The following METTL13 variants were observed in gnomAD, a reference collection of about 807,000 sequenced individuals.
METTL13 encodes the protein methyltransferase 13, eEF1A N-terminus and K55, also known as eEF1A lysine and N-terminal methyltransferase.
Under a neutral mutation model 67.4 loss-of-function variants are expected in METTL13, and 52 were observed. That is an observed-to-expected ratio of 0.77 (90% CI 0.62 to 0.97). The LOEUF is 0.97. Ranked by LOEUF, METTL13 falls within the 50% of genes least tolerant of loss-of-function variation. METTL13 has a pLI of 0.00. For missense variants in METTL13, 825 were observed against 889.6 expected (o/e 0.93, Z 0.92); for synonymous variants, 354 against 353.6 (o/e 1.00, Z -0.01).
chr1:171,783,709 C>A, intron 1 of METTL13, 31 bp from the exon 2 acceptor site: 1 of 1,574,612 alleles, frequency 6.4e-7, no homozygotes, highest in Non-Finnish European at 8.6e-7. Context: ...GCTTTGATTA[C>A]CTCCCTCTTG....
chr1:171,791,942 T>C, intron 5 of METTL13, 75 bp from the exon 6 acceptor site: 1 of 1,502,724 alleles, frequency 6.7e-7, no homozygotes, highest in Non-Finnish European at 9.2e-7. Flanking sequence ...GACTTTCCCT[T>C]TTGCCTTCCC....
chr1:171,784,885 G>C (rs1381191063), intron 2 of METTL13, among the ~76,000 whole-genome samples: 1 of 152,218 alleles, frequency 6.6e-6, no homozygotes, highest in Admixed American at 6.5e-5. Context: ...TAAGACATAG[G>C]TTCTAGTCCC....
chr1:171,794,483 A>G lies in METTL13; in HGVS notation c.1781A>G (p.Glu594Gly), dbSNP rs766166240. The G allele has an allele frequency of 9.9e-6, 16 of 1,614,098 alleles. No homozygotes were observed. Among genetic ancestry groups the G allele is most frequent in the Non-Finnish European group, 1.3e-5 (15 of 1,180,036 alleles). ...GMSCPPPAFV[E>G]QSFLQKVKSI... ...AGTTGTCCGCCCCCAGCATTTGTGGAGCAATCTTTTCTACAGAAGGTTAAA... is the reference window on the plus strand; with the variant it reads ...AGTTGTCCGCCCCCAGCATTTGTGGGGCAATCTTTTCTACAGAAGGTTAAA... The change falls in exon 7 of 8, where the codon GAG becomes GGG. Residue 594 changes from glutamate (E) to glycine (G), a missense_variant. Coordinates refer to ENST00000361735, the MANE Select transcript of METTL13 (RefSeq NM_015935.5).
chr1:171,791,469 T>C lies in METTL13; in HGVS notation c.1475-548T>C, dbSNP rs114124605. ...CCTTTCCTAGAGAGGGTCTAATAAT[T>C]CTTATAGTGAAGAAGTCTTTTTTTT... On this transcript the variant is annotated intron_variant, in intron 5 of 7. Coordinates refer to ENST00000361735, the MANE Select transcript of METTL13 (RefSeq NM_015935.5). Among the ~76,000 whole-genome samples the C allele has an allele frequency of 3.9e-5, 6 of 152,214 alleles. 1 individual carries two copies. Among genetic ancestry groups the C allele is most frequent in the Non-Finnish European group, 7.4e-5 (5 of 68,004 alleles).
chr1:171,787,562 A>T lies in METTL13; in HGVS notation c.1114-173A>T, dbSNP rs112945965. Among the ~76,000 whole-genome samples, 802 of 152,282 alleles carry T rather than the reference A, an allele frequency of 5.3e-3. 16 individuals are homozygous for T. The highest frequency in any genetic ancestry group is 0.018 in the African/African-American group (759 of 41,554). On this transcript the variant is annotated intron_variant, in intron 3 of 7. Coordinates refer to ENST00000361735, the MANE Select transcript of METTL13 (RefSeq NM_015935.5). ...TTTCAAAAGATGAATTAAACCTTTG[A>T]GATCAGTTCAAAGGCTCCAGAAAAG... is the stretch of plus-strand genomic sequence containing the variant.
In METTL13 at chr1:171,796,548, A is replaced by G. The variant is rs1441532945; in HGVS notation, c.1892A>G (p.Lys631Arg). 2.5e-6 allele frequency: 4 copies of G among 1,614,082 alleles called. No homozygotes were observed. The highest frequency in any genetic ancestry group is 3.4e-6 in the Non-Finnish European group (4 of 1,180,046). Residue 631 changes from lysine to arginine, a missense_variant, in exon 8 of 8, where the codon AAG becomes AGG. Physicochemically the swap from Lys to Arg is conservative, Grantham distance 26 (BLOSUM62 2). Transcript: ENST00000361735. Reference protein sequence around the residue: ...GLKDSVLAGLKAVFPLLYVRR... With the variant: ...GLKDSVLAGLRAVFPLLYVRR... ...AAAGACTCAGTGCTGGCTGGGCTCA[A>G]GGCAGTGTTCCCCCTCCTATATGTC...
rs1309568515 is a variant in METTL13, at chr1:171,785,898, C to T, written c.933C>T (p.Thr311=). The T allele has an allele frequency of 5.0e-6, 8 of 1,612,908 alleles. No homozygotes were observed. The highest frequency in any genetic ancestry group is 1.3e-5 in the African/African-American group (1 of 74,870). ...TTCTAGTCCCTCAGGGCCGGGAGAC[C>T]GAGTGGCTCTTTGGCATGGATGAGG... ...AIFIIPQGRE[T]EWLFGMDEGR... Residue 311 remains threonine, a synonymous_variant, in exon 3 of 8, where the codon ACC becomes ACT. Coordinates refer to ENST00000361735, the MANE Select transcript of METTL13 (RefSeq NM_015935.5).
At chr1:171,787,968 C>T (rs750385446) in intron 4 of METTL13, 38 bp downstream of exon 4, 2 of 1,602,286 alleles carry the variant, frequency 1.2e-6, no homozygotes, top group East Asian at 4.5e-5. Context: ...ACCCAAGTGG[C>T]CGTGGCATGG....
intron 1 of METTL13, among the ~76,000 whole-genome samples, chr1:171,782,520 A>G (rs1420072944): frequency 6.6e-6 from 1 of 151,834 alleles, no homozygotes; most frequent in African/African-American, 2.4e-5. Flanking sequence ...GTGAGCCATG[A>G]TCACGCCACT....
intron 2 of METTL13, among the ~76,000 whole-genome samples, chr1:171,785,076 C>A (rs1321368950): frequency 2.0e-5 from 3 of 152,160 alleles, no homozygotes; most frequent in African/African-American, 7.2e-5. Context: ...TCTTTCTCTG[C>A]CTTGATGGGA....
At chr1:171,786,940 T>C (rs1657035898) in intron 3 of METTL13, among the ~76,000 whole-genome samples, 1 of 151,626 alleles carries the variant, frequency 6.6e-6, no homozygotes. Context: ...TTGGTGCAAA[T>C]AGTAACAGAT....
intron 2 of METTL13, 109 bp downstream of exon 2, chr1:171,784,608 A>T: frequency 7.5e-7 from 1 of 1,340,150 alleles, no homozygotes; most frequent in East Asian, 2.7e-5. Flanking sequence ...GGGATTCTGG[A>T]CTGTTTTTTG....
At chr1:171,796,457 T>G (rs757368465) in intron 7 of METTL13, 25 bp from the exon 8 acceptor site, 10 of 1,611,984 alleles carry the variant, frequency 6.2e-6, no homozygotes, top group Non-Finnish European at 8.5e-6. Flanking sequence ...GTGAGGTCAT[T>G]CTGACTTTTC....
chr1:171,784,292 CT>C lies in METTL13; in HGVS notation c.707del (p.Leu236ArgfsTer57), dbSNP rs1181212842. 5 of 1,611,732 alleles carry C rather than the reference CT, an allele frequency of 3.1e-6. No homozygotes were observed. Among genetic ancestry groups the C allele is most frequent in the African/African-American group, 1.3e-5 (1 of 75,036 alleles). On this transcript the variant is annotated frameshift_variant, in exon 2 of 8. Coordinates refer to ENST00000361735, the MANE Select transcript of METTL13 (RefSeq NM_015935.5). LOFTEE classifies it high-confidence loss of function. ...TCAGGAGCAGCGCAAGCCTGTGCGG[CT>C]GGAGAGTGCCGAGCGGCTGGCCGAG... ...CAQEQRKPVR[L>X]ESAERLAEAV...
At position 171,792,114 on chromosome 1, in the gene METTL13, G is replaced by A; in HGVS notation, c.1572G>A (p.Glu524=). 1 of 1,614,144 alleles carries A rather than the reference G, an allele frequency of 6.2e-7. No individual in the cohort carries two copies. Among genetic ancestry groups the A allele is most frequent in the Non-Finnish European group, 8.5e-7 (1 of 1,180,054 alleles). ...CAAAGTCCTGCATTGATGCTGTGGA[G>A]ATCGATCCCTCCATGTTGGAAGTGG... The part of the protein sequence containing the change: ...HFPKSCIDAV[E]IDPSMLEVAT... The change falls in exon 6 of 8, where the codon GAG becomes GAA. Residue 524 remains glutamate (E), a synonymous_variant. Coordinates refer to ENST00000361735, the MANE Select transcript of METTL13 (RefSeq NM_015935.5).
At position 171,788,437 on chromosome 1, in the gene METTL13, G is replaced by A. The variant is rs554280102; in HGVS notation, c.1309+507G>A. ...CGACTAGCCATATGTAGTGCTGAGCGTTTGGAATGTGGCTAGTGTAACTGA... is the reference window on the plus strand; with the variant it reads ...CGACTAGCCATATGTAGTGCTGAGCATTTGGAATGTGGCTAGTGTAACTGA... On this transcript the variant is annotated intron_variant, in intron 4 of 7. Coordinates refer to ENST00000361735, the MANE Select transcript of METTL13 (RefSeq NM_015935.5). Among the ~76,000 whole-genome samples, 19 of 152,326 alleles carry A rather than the reference G, an allele frequency of 1.2e-4. No individual in the cohort carries two copies. The South Asian group carries it at 1.9e-3, about 15-fold the overall frequency.
chr1:171,783,340 A>G (rs1326610603), intron 1 of METTL13, among the ~76,000 whole-genome samples: 2 of 152,190 alleles, frequency 1.3e-5, no homozygotes, highest in Non-Finnish European at 1.5e-5. Flanking sequence ...TTATTGTCTA[A>G]AGGAGCCAAA....
At position 171,782,126 on chromosome 1, in the gene METTL13, G is replaced by A; in HGVS notation, c.153+6G>A. Reference sequence around the variant, plus strand: ...ATATCAAGCCCAGGGAAAAGGTGAGGAGCGCGGGTTGGTAGCCCTTCGTAC... The same window carrying A: ...ATATCAAGCCCAGGGAAAAGGTGAGAAGCGCGGGTTGGTAGCCCTTCGTAC... On this transcript the variant is annotated splice_donor_region_variant and intron_variant, in intron 1 of 7. Transcript: ENST00000361735. The A allele has an allele frequency of 6.2e-7, 1 of 1,613,020 alleles. No individual in the cohort carries two copies.
chr1:171,787,828 G>A lies in METTL13; in HGVS notation c.1207G>A (p.Val403Met). The change falls in exon 4 of 8, where the codon GTG becomes ATG. Residue 403 changes from valine to methionine, a missense_variant. Val to Met is a conservative substitution (Grantham distance 21). Coordinates refer to ENST00000361735, the MANE Select transcript of METTL13 (RefSeq NM_015935.5). ...GAGCGGTGACTATGTCATTGAGGAT[G>A]TGCAAGGGGATGACAAGCGATACTT... ...PLSGDYVIEDVQGDDKRYFRR... is the reference protein window; with the variant it reads ...PLSGDYVIEDMQGDDKRYFRR... The A allele has an allele frequency of 6.2e-7, 1 of 1,614,196 alleles. No individual in the cohort carries two copies. The highest frequency in any genetic ancestry group is 8.5e-7 in the Non-Finnish European group (1 of 1,180,032).
Sources: gnomAD v4.1 joint callset for allele counts (sites outside exome capture counted in the v4.1 genomes callset) on GRCh38, gnomAD v4.1.1 for gene constraint, MANE v1.5 for transcripts, NCBI Gene and HGNC (gene_info 2026-07-23, HGNC 2026-07-21) for gene names.